The following CELF2 variants were observed in gnomAD, a reference collection of about 807,000 sequenced individuals.
CELF2 encodes the protein CUGBP Elav-like family member 2, also known as CUG triplet repeat RNA-binding protein 2.
Under a neutral mutation model 62.6 loss-of-function variants are expected in CELF2, and 8 were observed. That is an observed-to-expected ratio of 0.13 (90% CI 0.07 to 0.23). The LOEUF is 0.23. CELF2 is among the 10% of genes least tolerant of loss of function. The pLI, the probability that CELF2 is intolerant of heterozygous loss-of-function variation, is 1.00. For synonymous variants in CELF2, 258 were observed against 250.0 expected, an observed-to-expected ratio of 1.03 and a Z score of -0.30; for missense variants, 333 against 671.0, an observed-to-expected ratio of 0.50 and a Z score of 5.56.
At position 11,082,087 on chromosome 10, in the gene CELF2, G is replaced by C. The variant is rs2477023; in HGVS notation, c.74+63924G>C. 7.4e-3 allele frequency among the ~76,000 whole-genome samples: 1,123 copies of C among 152,198 alleles called. 15 individuals are homozygous for C. Among genetic ancestry groups the C allele is most frequent in the African/African-American group, 0.026 (1,072 of 41,494 alleles). ...GGCTGGGGCTGCATCCCTTGCTTCT[G>C]TTTGGACCCAGAGTCCTGTGGAGGG... On this transcript the variant is annotated intron_variant, in intron 1 of 12. Coordinates refer to ENST00000633077, the MANE Select transcript of CELF2 (RefSeq NM_001326342.2).
chr10:10,594,907 C>T, the CELF2 span, among the ~76,000 whole-genome samples: 6 of 152,098 alleles, frequency 3.9e-5, no homozygotes, highest in Non-Finnish European at 2.9e-5. Context: ...ACTCTGGGGT[C>T]ACTAGAAGAA....
At chr10:10,986,513 G>A (rs2052767982) in intron 2 of CELF2, among the ~76,000 whole-genome samples, 1 of 145,534 alleles carries the variant, frequency 6.9e-6, no homozygotes, top group East Asian at 1.9e-4. Flanking sequence ...AAGTGTGGAA[G>A]TTAGTTAGGT....
chr10:10,557,328 A>G, the CELF2 span, among the ~76,000 whole-genome samples: 1 of 151,702 alleles, frequency 6.6e-6, no homozygotes, highest in Non-Finnish European at 1.5e-5. Flanking sequence ...AGGTTTCTCA[A>G]AGATCAGATA....
chr10:10,732,559 T>C, the CELF2 span, among the ~76,000 whole-genome samples: 3 of 149,124 alleles, frequency 2.0e-5, no homozygotes, highest in Non-Finnish European at 3.0e-5. Flanking sequence ...AGTCTCACTC[T>C]GTTGCCCAGG....
the CELF2 span, among the ~76,000 whole-genome samples, chr10:10,732,189 C>A: frequency 6.6e-6 from 1 of 152,154 alleles, no homozygotes; most frequent in Non-Finnish European, 1.5e-5. Flanking sequence ...GTCCGGCATG[C>A]ACAGCTAGGC....
chr10:10,664,074 A>G, the CELF2 span, among the ~76,000 whole-genome samples: 4 of 152,236 alleles, frequency 2.6e-5, no homozygotes, highest in Non-Finnish European at 4.4e-5. Flanking sequence ...TCAAAAAACT[A>G]TAAGCCTCTT....
chr10:10,509,854 T>C, the CELF2 span, among the ~76,000 whole-genome samples: 10 of 152,212 alleles, frequency 6.6e-5, no homozygotes, highest in Non-Finnish European at 1.3e-4. Context: ...CCTAGAGGAC[T>C]CAAAGGATTA....
At chr10:11,212,850 T>C (rs2062266562) in intron 2 of CELF2, among the ~76,000 whole-genome samples, 1 of 149,052 alleles carries the variant, frequency 6.7e-6, no homozygotes, top group South Asian at 2.2e-4. Context: ...TGGAACACCA[T>C]GTTTGTCTTT....
chr10:11,071,962 A>G (rs1470260231), intron 1 of CELF2, among the ~76,000 whole-genome samples: 1 of 152,226 alleles, frequency 6.6e-6, no homozygotes, highest in African/African-American at 2.4e-5. Flanking sequence ...GACCATGACA[A>G]GTTGATCCCA....
At chr10:11,194,765 C>T (rs757765308) in intron 2 of CELF2, among the ~76,000 whole-genome samples, 43 of 152,240 alleles carry the variant, frequency 2.8e-4, no homozygotes, top group Non-Finnish European at 1.0e-4. Context: ...AAGAAAGTGA[C>T]ATTGCTTGCG....
chr10:10,694,954 G>T, the CELF2 span, among the ~76,000 whole-genome samples: 1 of 151,184 alleles, frequency 6.6e-6, no homozygotes, highest in Non-Finnish European at 1.5e-5. Flanking sequence ...GATGGGTCTT[G>T]ACTCTTTATC....
chr10:11,255,786 G>T lies in CELF2; in HGVS notation c.404-1952G>T, dbSNP rs573467795. 7.2e-5 allele frequency among the ~76,000 whole-genome samples: 11 copies of T among 152,158 alleles called. No homozygotes were observed. Among genetic ancestry groups the T allele is most frequent in the Admixed American group, 4.6e-4 (7 of 15,292 alleles). The stretch of plus-strand genomic sequence containing the variant: ...AAAAGAGTCTAAACTTTCATTCCAT[G>T]GATGACAAAACAGAGGTCCTCAGAG... On this transcript the variant is annotated intron_variant, in intron 4 of 12. Coordinates refer to ENST00000633077, the MANE Select transcript of CELF2 (RefSeq NM_001326342.2). This position sits in a 1 kb window ranked among gnomAD's most constrained non-coding sequence, Gnocchi z 5.5.
the CELF2 span, among the ~76,000 whole-genome samples, chr10:10,500,754 G>C: frequency 7.9e-5 from 12 of 152,172 alleles, no homozygotes; most frequent in Non-Finnish European, 1.5e-4. Context: ...TCATGAAGAA[G>C]ACCCCTTACC....
chr10:10,913,554 C>G (rs2064013598), intron 1 of CELF2, among the ~76,000 whole-genome samples: 1 of 147,320 alleles, frequency 6.8e-6, no homozygotes, highest in Non-Finnish European at 1.5e-5. Flanking sequence ...CTACGCCCAG[C>G]TAATTTTTGT....
Position 11,318,934 on chromosome 10 carries a change from G to T in CELF2, c.1097-2255G>T, listed in dbSNP as rs1437013092. ...AAAACTCCCACCCGCAGCAGACAAG[G>T]CATCATGGTGGTGCGATGCTGCCCA... On this transcript the variant is annotated intron_variant, in intron 10 of 12. Coordinates refer to ENST00000633077, the MANE Select transcript of CELF2 (RefSeq NM_001326342.2). This position sits in a 1 kb window ranked among gnomAD's most constrained non-coding sequence, Gnocchi z 5.4. 8.5e-6 allele frequency: 4 copies of T among 471,026 alleles called. No individual in the cohort carries two copies. The highest frequency in any genetic ancestry group is 1.8e-5 in the Non-Finnish European group (4 of 227,066). 29.2% of individuals were successfully genotyped at this position (471,026 alleles called of 1,614,324 possible).
At chr10:11,263,194 A>G (rs575764219) in intron 5 of CELF2, among the ~76,000 whole-genome samples, 1 of 152,124 alleles carries the variant, frequency 6.6e-6, no homozygotes, top group Admixed American at 6.5e-5. Context: ...AGCAGCAAGA[A>G]GGTAACCTCA....
chr10:10,674,891 C>A, the CELF2 span, among the ~76,000 whole-genome samples: 1 of 152,096 alleles, frequency 6.6e-6, no homozygotes. Flanking sequence ...TCTCCCATCC[C>A]TTGTACCATT....
In CELF2 at chr10:11,083,648, A is replaced by T. The variant is rs187565569; in HGVS notation, c.74+65485A>T. Among the ~76,000 whole-genome samples, 17 of 152,216 alleles carry T rather than the reference A, an allele frequency of 1.1e-4. No homozygotes were observed. In the East Asian group the frequency reaches 2.3e-3, roughly 21 times the overall value. ...ATTTCCCCTTTTCCTGCAATGGGTG[A>T]TGCATGTAGTTACTCTCTGCCCCAT... On this transcript the variant is annotated intron_variant, in intron 1 of 12. Coordinates refer to ENST00000633077, the MANE Select transcript of CELF2 (RefSeq NM_001326342.2).
intron 4 of CELF2, among the ~76,000 whole-genome samples, chr10:11,249,772 T>C (rs1469648109): frequency 6.6e-6 from 1 of 152,236 alleles, no homozygotes; most frequent in African/African-American, 2.4e-5. Flanking sequence ...TTTGATGAGG[T>C]CCATAAACAA....
Sources: allele counts gnomAD v4.1 joint callset (sites outside exome capture counted in the v4.1 genomes callset), GRCh38; gene constraint gnomAD v4.1.1; non-coding constraint Gnocchi (gnomAD v3.1); transcripts MANE v1.5; gene names NCBI Gene and HGNC (gene_info 2026-07-23, HGNC 2026-07-21).